CWH43: variants seen among roughly 807,000 people sequenced by gnomAD.
CWH43 encodes the protein PGAP2-interacting protein.
CWH43 carries 91 observed loss-of-function variants against 85.7 expected under a neutral mutation model. The ratio of observed to expected loss-of-function variants is 1.06; its 90% CI spans 0.90 to 1.26. The LOEUF is 1.26. Ranked by LOEUF, CWH43 falls within the 50% of genes most tolerant of loss-of-function variation. CWH43 has a pLI of 0.00. For missense variants in CWH43, 869 were observed against 839.2 expected (o/e 1.04, Z -0.44); for synonymous variants, 323 against 293.6 (o/e 1.10, Z -1.02).
chr4:49,061,282 T>C (rs1376482570), intron 15 of CWH43, among the ~76,000 whole-genome samples: 1 of 152,182 alleles, frequency 6.6e-6, no homozygotes, highest in African/African-American at 2.4e-5. Flanking sequence ...AGAGGTTAGA[T>C]ATTATGGTTG....
chr4:49,018,878 T>C (rs946360735), intron 9 of CWH43, among the ~76,000 whole-genome samples: 1 of 152,234 alleles, frequency 6.6e-6, no homozygotes, highest in African/African-American at 2.4e-5. Flanking sequence ...CAGAACTAAG[T>C]AACTATTTCT....
intron 5 of CWH43, among the ~76,000 whole-genome samples, chr4:48,997,705 T>C (rs1782855849): frequency 6.6e-6 from 1 of 152,174 alleles, no homozygotes; most frequent in African/African-American, 2.4e-5. Flanking sequence ...GCAGGTTACT[T>C]ACATACCCTT....
intron 13 of CWH43, among the ~76,000 whole-genome samples, chr4:49,038,813 C>T (rs1355089548): frequency 3.3e-5 from 5 of 152,094 alleles, no homozygotes; most frequent in Non-Finnish European, 5.9e-5. Flanking sequence ...AATAACAGCA[C>T]TTTGGGAGGC....
intron 2 of CWH43, among the ~76,000 whole-genome samples, chr4:48,990,205 C>CTA (rs1276222075): frequency 6.6e-6 from 1 of 152,148 alleles, no homozygotes; most frequent in African/African-American, 2.4e-5. Flanking sequence ...TTGATGCTTC[C>CTA]TATTCCCTTT....
At chr4:48,991,676 A>T in intron 3 of CWH43, 102 bp downstream of exon 3, 1 of 1,353,902 alleles carries the variant, frequency 7.4e-7, no homozygotes, top group Non-Finnish European at 1.0e-6. Flanking sequence ...TACCTTCCAT[A>T]TGGCTTTGTC....
chr4:49,052,660 T>G (rs1400069947), intron 15 of CWH43, among the ~76,000 whole-genome samples: 4 of 152,162 alleles, frequency 2.6e-5, no homozygotes, highest in African/African-American at 9.7e-5. Flanking sequence ...AACTGCAGAT[T>G]GATCCAAACC....
intron 15 of CWH43, among the ~76,000 whole-genome samples, chr4:49,060,515 G>A (rs1357486772): frequency 6.6e-6 from 1 of 152,036 alleles, no homozygotes; most frequent in Admixed American, 6.5e-5. Flanking sequence ...CATTGGCCTG[G>A]ACCTGGTGCT....
intron 9 of CWH43, among the ~76,000 whole-genome samples, chr4:49,021,780 A>T (rs1461400773): frequency 6.6e-6 from 1 of 152,166 alleles, no homozygotes; most frequent in East Asian, 1.9e-4. Flanking sequence ...GGTTAAGTAT[A>T]TTCCTAAATA....
In CWH43 at chr4:49,037,956, C is replaced by A. The variant is rs984043288; in HGVS notation, c.1659-80C>A. ...GGCTTCTTCACTATATGCAGATAGT[C>A]TTTGGCAACTTAGGTACCTAAGGCT... On this transcript the variant is annotated intron_variant, in intron 12 of 15. Coordinates refer to ENST00000226432, the MANE Select transcript of CWH43 (RefSeq NM_025087.3). 5.4e-6 allele frequency: 7 copies of A among 1,292,236 alleles called. No homozygotes were observed. In the South Asian group the frequency reaches 8.9e-5, roughly 16 times the overall value. The allele number at this position is 1,292,236 out of a possible 1,614,324, so 80.0% of individuals were successfully genotyped here.
At chr4:49,030,106 A>G (rs1415440169) in intron 10 of CWH43, among the ~76,000 whole-genome samples, 1 of 152,148 alleles carries the variant, frequency 6.6e-6, no homozygotes, top group Non-Finnish European at 1.5e-5. Context: ...CATGGGTCAG[A>G]GGGAGGTTGA....
At chr4:49,017,163 A>G in intron 8 of CWH43, 86 bp from the exon 9 acceptor site, 1 of 1,107,568 alleles carries the variant, frequency 9.0e-7, no homozygotes, top group Non-Finnish European at 1.3e-6. Context: ...ATGGCACTGG[A>G]GCTGAGGCAC....
chr4:49,003,092 G>A (rs1325778727), intron 6 of CWH43, among the ~76,000 whole-genome samples: 3 of 152,202 alleles, frequency 2.0e-5, no homozygotes, highest in Non-Finnish European at 4.4e-5. Context: ...CTCAGCATTG[G>A]CTCAATAAAC....
chr4:49,016,695 A>G (rs1783558546), intron 8 of CWH43: 6 of 769,346 alleles, frequency 7.8e-6, no homozygotes, highest in Admixed American at 5.1e-5. Context: ...TAGTCCATTC[A>G]CCTTATCTGT....
At chr4:49,040,993 A>C (rs1784441434) in intron 13 of CWH43, among the ~76,000 whole-genome samples, 1 of 152,168 alleles carries the variant, frequency 6.6e-6, no homozygotes, top group African/African-American at 2.4e-5. Flanking sequence ...CCATTTATTA[A>C]ACAGGGAATC....
At chr4:49,020,065 A>G (rs1783691049) in intron 9 of CWH43, among the ~76,000 whole-genome samples, 1 of 151,916 alleles carries the variant, frequency 6.6e-6, no homozygotes, top group African/African-American at 2.4e-5. Context: ...TTACGTGAAT[A>G]TGTTATTTAG....
At chr4:49,053,440 C>T (rs1784857198) in intron 15 of CWH43, among the ~76,000 whole-genome samples, 1 of 152,176 alleles carries the variant, frequency 6.6e-6, no homozygotes, top group Non-Finnish European at 1.5e-5. Flanking sequence ...TGCTGTACAT[C>T]TCCTGCCAGC....
At chr4:48,988,733 G>A (rs564147111) in intron 2 of CWH43, 65 bp downstream of exon 2, 1 of 1,008,130 alleles carries the variant, frequency 9.9e-7, no homozygotes, top group Non-Finnish European at 1.4e-6. Flanking sequence ...AGATTATGTA[G>A]ACTGTTCTTT....
At chr4:48,993,636 GA>G (rs1483081491) in intron 4 of CWH43, among the ~76,000 whole-genome samples, 5 of 152,182 alleles carry the variant, frequency 3.3e-5, no homozygotes, top group Non-Finnish European at 5.9e-5. Context: ...TTGCTGTGAT[GA>G]ATTGGACCTC....
At chr4:49,025,707 C>T (rs1448589526) in intron 9 of CWH43, among the ~76,000 whole-genome samples, 2 of 152,188 alleles carry the variant, frequency 1.3e-5, no homozygotes, top group Non-Finnish European at 2.9e-5. Flanking sequence ...TGTGATCCAT[C>T]TTCAAATCTC....
Sources: gnomAD v4.1 joint callset for allele counts (sites outside exome capture counted in the v4.1 genomes callset) on GRCh38, gnomAD v4.1.1 for gene constraint, MANE v1.5 for transcripts, NCBI Gene and HGNC (gene_info 2026-07-23, HGNC 2026-07-21) for gene names.